ODAD2: variants seen among roughly 807,000 people sequenced by gnomAD.
ODAD2 encodes the protein outer dynein arm-docking complex subunit 2.
Under a neutral mutation model 106.8 loss-of-function variants are expected in ODAD2, and 89 were observed. That is an observed-to-expected ratio of 0.83 (90% CI 0.70 to 0.99). The LOEUF (loss-of-function observed/expected upper bound fraction) is 0.99. Among genes scored for constraint, ODAD2 ranks in the 50% least tolerant of loss-of-function variants. The probability of loss-of-function intolerance (pLI) is 0.00; values close to 1 mark genes in which losing one functional copy is unlikely to be tolerated. For synonymous variants in ODAD2, 404 were observed against 436.2 expected, an observed-to-expected ratio of 0.93 and a Z score of 0.92; for missense variants, 1,168 against 1,238.5, an observed-to-expected ratio of 0.94 and a Z score of 0.85.
chr10:27,824,072 C>A (rs893650153), intron 19 of ODAD2, among the ~76,000 whole-genome samples: 21 of 96,066 alleles, frequency 2.2e-4, no homozygotes. Context: ...CCCCAGGGGG[C>A]GGAGCCTGCA....
In ODAD2 at chr10:27,832,536, G is replaced by GAC. The variant is rs760343073; in HGVS notation, c.3022-19913_3022-19912dup. On this transcript the variant is annotated intron_variant, in intron 19 of 19. Transcript: ENST00000305242. ...CCCATGTTGTTCACACACACACACAGACACACACACACACACATTTCTTTT... is the reference window on the plus strand; with the variant it reads ...CCCATGTTGTTCACACACACACACAGACACACACACACACACACATTTCTTTT... Among the ~76,000 whole-genome samples the GAC allele has an allele frequency of 9.7e-3, 1,461 of 151,052 alleles. 71 individuals carry two copies. Among genetic ancestry groups the GAC allele is most frequent in the Admixed American group, 0.074 (1,123 of 15,156 alleles).
At position 27,940,653 on chromosome 10, in the gene ODAD2, C is replaced by T. The variant is rs771014848; in HGVS notation, c.1896G>A (p.Gly632=). Residue 632 remains glycine, a synonymous_variant, in exon 13 of 20, where the codon GGG becomes GGA. Coordinates refer to ENST00000305242, the MANE Select transcript of ODAD2 (RefSeq NM_018076.5). Reference sequence around the variant, plus strand: ...GCAGCCGAGCCAACAGAGGAATGCCCCCAGCTTTGCGGATGGCTTCTTTAT... The same window carrying T: ...GCAGCCGAGCCAACAGAGGAATGCCTCCAGCTTTGCGGATGGCTTCTTTAT... The part of the protein sequence containing the change: ...HTNKEAIRKA[G]GIPLLARLLK... 1.9e-6 allele frequency: 3 copies of T among 1,614,092 alleles called. No homozygotes were observed. The South Asian group carries it at 3.3e-5, about 18-fold the overall frequency.
chr10:27,928,342 T>C (rs1397470767), intron 16 of ODAD2, among the ~76,000 whole-genome samples: 1 of 152,148 alleles, frequency 6.6e-6, no homozygotes, highest in Non-Finnish European at 1.5e-5. Flanking sequence ...TAGGTCTTTA[T>C]TTAACCTATC....
At chr10:27,997,632 C>G (rs1453665971) in intron 1 of ODAD2, 12 of 152,122 alleles carry the variant, frequency 7.9e-5, no homozygotes, top group African/African-American at 2.9e-4. Flanking sequence ...CGTAGCAATG[C>G]ACAAGTTTTA....
At chr10:27,969,811 G>A (rs1156417042) in intron 8 of ODAD2, among the ~76,000 whole-genome samples, 5 of 152,222 alleles carry the variant, frequency 3.3e-5, no homozygotes, top group Middle Eastern at 3.4e-3. Context: ...TATTTGTTAA[G>A]CTTTAAAAAG....
At chr10:27,990,628 A>G (rs2133192221) in intron 2 of ODAD2, among the ~76,000 whole-genome samples, 1 of 152,366 alleles carries the variant, frequency 6.6e-6, no homozygotes, top group East Asian at 1.9e-4. Context: ...TGACTTAGAA[A>G]TTTTACCAAA....
chr10:27,977,240 G>A (rs1849246445), intron 7 of ODAD2, among the ~76,000 whole-genome samples: 1 of 152,036 alleles, frequency 6.6e-6, no homozygotes, highest in Non-Finnish European at 1.5e-5. Context: ...GAAGACTCTT[G>A]CTCTTTGAAA....
At chr10:27,861,641 A>G (rs1487180663) in intron 18 of ODAD2, among the ~76,000 whole-genome samples, 1 of 152,198 alleles carries the variant, frequency 6.6e-6, no homozygotes, top group African/African-American at 2.4e-5. Context: ...AGTGCAGCAA[A>G]TCCGAAGACA....
rs138508233 is a variant in ODAD2, at chr10:27,961,671, G to C, written c.1283C>G (p.Ser428Ter). 4 of 1,608,168 alleles carry C rather than the reference G, an allele frequency of 2.5e-6. No homozygotes were observed. The Admixed American group carries it at 5.0e-5, about 20-fold the overall frequency. The change falls in exon 10 of 20, where the codon TCA (serine) becomes TGA (stop). Residue 428 changes from serine (S) to a stop codon, truncating the protein, a stop_gained. Transcript: ENST00000305242. LOFTEE classifies it high-confidence loss of function. ...KIEETVSDSS[S>*]ESEEDEEPPD... ...TGGTTCTTCATCTTCCTCACTTTCT[G>C]AGGAGCTATCGCTAACAGTTTCCTC...
At chr10:27,900,353 A>T (rs1258545057) in intron 17 of ODAD2, among the ~76,000 whole-genome samples, 3 of 152,224 alleles carry the variant, frequency 2.0e-5, no homozygotes, top group Non-Finnish European at 4.4e-5. Flanking sequence ...ATCCACAAAG[A>T]TGGGGAAAAA....
intron 14 of ODAD2, among the ~76,000 whole-genome samples, chr10:27,938,007 A>C (rs567518358): frequency 1.3e-5 from 2 of 152,160 alleles, no homozygotes; most frequent in South Asian, 4.2e-4. Context: ...ACAGTGGCAC[A>C]ATCTCAGATC....
intron 17 of ODAD2, among the ~76,000 whole-genome samples, chr10:27,885,804 A>T (rs1461179843): frequency 1.2e-5 from 1 of 86,546 alleles, no homozygotes; most frequent in African/African-American, 4.8e-5. Context: ...ATATATATAA[A>T]ATATATATTA....
At chr10:27,822,746 AG>A (rs1836711644) in intron 19 of ODAD2, among the ~76,000 whole-genome samples, 1 of 152,114 alleles carries the variant, frequency 6.6e-6, no homozygotes, top group African/African-American at 2.4e-5. Context: ...CAGTGAAGGG[AG>A]TCAAGGGGCT....
Position 27,872,594 on chromosome 10 carries a change from C to T in ODAD2, c.2611-9972G>A, listed in dbSNP as rs544110236. ...CTGTTGAATTTTGTCAAAGGCCTTT[C>T]CTGCATCCATTGAGATAATCATGTG... On this transcript the variant is annotated intron_variant, in intron 17 of 19. Transcript: ENST00000305242. Among the ~76,000 whole-genome samples the T allele has an allele frequency of 1.2e-4, 19 of 152,212 alleles. No individual in the cohort carries two copies. The East Asian group carries it at 2.7e-3, about 22-fold the overall frequency.
At chr10:27,974,711 A>T (rs1331495186) in intron 7 of ODAD2, among the ~76,000 whole-genome samples, 4 of 120,938 alleles carry the variant, frequency 3.3e-5, no homozygotes, top group African/African-American at 6.2e-5. Flanking sequence ...TTTGCTTAGG[A>T]TTGCCTTGGC....
intron 19 of ODAD2, among the ~76,000 whole-genome samples, chr10:27,828,579 T>C (rs1483772383): frequency 6.6e-6 from 1 of 152,196 alleles, no homozygotes; most frequent in African/African-American, 2.4e-5. Flanking sequence ...GGCAAATCCA[T>C]CTGAGTAATA....
chr10:27,889,838 T>G (rs992482222), intron 17 of ODAD2, among the ~76,000 whole-genome samples: 1 of 152,176 alleles, frequency 6.6e-6, no homozygotes, highest in Non-Finnish European at 1.5e-5. Flanking sequence ...TAATGGTAAC[T>G]GGCCCAATTA....
chr10:27,878,566 C>T lies in ODAD2; in HGVS notation c.2611-15944G>A, dbSNP rs187549361. Among the ~76,000 whole-genome samples the T allele has an allele frequency of 6.3e-3, 962 of 152,156 alleles. 7 individuals carry two copies. The highest frequency in any genetic ancestry group is 0.014 in the Middle Eastern group (4 of 294). On this transcript the variant is annotated intron_variant, in intron 17 of 19. Transcript: ENST00000305242. ...TTAACCAGAAGAGCTATAAAAACAC[C>T]ACTCTGGGCCATATAGAGACCACAG...
intron 7 of ODAD2, among the ~76,000 whole-genome samples, chr10:27,976,395 G>C (rs879314185): frequency 2.0e-5 from 3 of 151,842 alleles, no homozygotes; most frequent in Non-Finnish European, 2.9e-5. Context: ...AACTAATAAG[G>C]GAGTTTAGCA....
Sources: allele counts gnomAD v4.1 joint callset (sites outside exome capture counted in the v4.1 genomes callset), GRCh38; gene constraint gnomAD v4.1.1; transcripts MANE v1.5; gene names NCBI Gene and HGNC (gene_info 2026-07-23, HGNC 2026-07-21).